Variants in PHACTR3 observed in about 807,000 individuals in gnomAD.
PHACTR3 encodes phosphatase and actin regulator 3, also known as protein phosphatase 1, regulatory subunit 123.
In PHACTR3, 16 loss-of-function variants were observed where a neutral mutation model predicts 66.8. That is an observed-to-expected ratio of 0.24 (90% confidence interval 0.16 to 0.36). The LOEUF is 0.36. PHACTR3 is among the 10% of genes least tolerant of loss of function. PHACTR3 has a pLI of 1.00. For missense variants in PHACTR3, 647 were observed against 719.9 expected (o/e 0.90, Z 1.16); for synonymous variants, 323 against 292.1 (o/e 1.11, Z -1.08).
At chr20:59,700,404 C>T (rs185330579) in intron 1 of PHACTR3, among the ~76,000 whole-genome samples, 1 of 152,304 alleles carries the variant, frequency 6.6e-6, no homozygotes, top group Non-Finnish European at 1.5e-5. Context: ...CTGATGACTG[C>T]AACTGCAAGA....
intron 7 of PHACTR3, among the ~76,000 whole-genome samples, chr20:59,784,693 C>T (rs1033180974): frequency 1.4e-4 from 21 of 152,174 alleles, no homozygotes; most frequent in Admixed American, 4.6e-4. Flanking sequence ...AAGTGTGAAG[C>T]CTCTGAGGGT....
chr20:59,653,491 A>G (rs888859502), intron 1 of PHACTR3, among the ~76,000 whole-genome samples: 1 of 152,168 alleles, frequency 6.6e-6, no homozygotes, highest in African/African-American at 2.4e-5. Context: ...GCTGTGAGAA[A>G]GTAATTTCTT....
intron 1 of PHACTR3, among the ~76,000 whole-genome samples, chr20:59,621,994 G>A (rs544688685): frequency 6.6e-6 from 1 of 152,280 alleles, no homozygotes; most frequent in East Asian, 1.9e-4. Context: ...CTTCACTACA[G>A]CTTTTTCTGC....
chr20:59,811,275 T>C (rs1404973291), intron 8 of PHACTR3, among the ~76,000 whole-genome samples: 1 of 152,208 alleles, frequency 6.6e-6, no homozygotes, highest in Non-Finnish European at 1.5e-5. Context: ...AATTTTCTTA[T>C]ATTGGTTTGG....
At position 59,717,754 on chromosome 20, in the gene PHACTR3, G is replaced by T. The variant is rs187904400; in HGVS notation, c.119-25353G>T. Among the ~76,000 whole-genome samples, 9 of 152,342 alleles carry T rather than the reference G, an allele frequency of 5.9e-5. No individual in the cohort carries two copies. In the East Asian group the frequency reaches 1.7e-3, roughly 29 times the overall value. The stretch of plus-strand genomic sequence containing the variant: ...AAAAATGACTTTGCTATATAAAGGT[G>T]TGGTTTTTTTGACTATTCCTCCAGA... On this transcript the variant is annotated intron_variant, in intron 1 of 12. Transcript: ENST00000371015.
intron 8 of PHACTR3, among the ~76,000 whole-genome samples, chr20:59,810,650 A>G (rs2041709161): frequency 3.3e-5 from 5 of 152,042 alleles, no homozygotes. Context: ...TTCATATTTT[A>G]TCTTCTGAGT....
intron 1 of PHACTR3, among the ~76,000 whole-genome samples, chr20:59,740,267 T>G (rs2039105175): frequency 6.6e-6 from 1 of 152,100 alleles, no homozygotes; most frequent in Non-Finnish European, 1.5e-5. Context: ...ATTAATAAAC[T>G]GTGTATTGTG....
At chr20:59,625,725 G>C (rs6070873) in intron 1 of PHACTR3, among the ~76,000 whole-genome samples, 2 of 152,272 alleles carry the variant, frequency 1.3e-5, no homozygotes, top group East Asian at 3.9e-4. Flanking sequence ...GAGGCATGCA[G>C]GCTTTTCCTC....
chr20:59,678,640 G>T (rs1040141960), intron 1 of PHACTR3, among the ~76,000 whole-genome samples: 1 of 152,184 alleles, frequency 6.6e-6, no homozygotes, highest in African/African-American at 2.4e-5. Flanking sequence ...AGCTTACCGT[G>T]TTTTGTAATC....
At chr20:59,658,885 G>A (rs955468792) in intron 1 of PHACTR3, among the ~76,000 whole-genome samples, 1 of 151,348 alleles carries the variant, frequency 6.6e-6, no homozygotes, top group Non-Finnish European at 1.5e-5. Flanking sequence ...AAACTATCTG[G>A]CCTACAATTT....
chr20:59,755,455 C>G, intron 4 of PHACTR3, 91 bp downstream of exon 4: 1 of 1,355,306 alleles, frequency 7.4e-7, no homozygotes, highest in Admixed American at 2.2e-5. Context: ...GGCAACAGCC[C>G]TCGTAGAACA....
chr20:59,683,485 C>A (rs1231644965), intron 1 of PHACTR3, among the ~76,000 whole-genome samples: 1 of 140,840 alleles, frequency 7.1e-6, no homozygotes, highest in East Asian at 2.1e-4. Context: ...TAAACCAGGT[C>A]TTTTTTTTTT....
At chr20:59,776,568 T>A (rs1300837877) in intron 7 of PHACTR3, among the ~76,000 whole-genome samples, 3 of 152,008 alleles carry the variant, frequency 2.0e-5, no homozygotes, top group African/African-American at 7.3e-5. Flanking sequence ...CCCAGAAGGG[T>A]CTCCCGGCTT....
intron 1 of PHACTR3, among the ~76,000 whole-genome samples, chr20:59,588,073 G>A (rs957853367): frequency 2.6e-5 from 4 of 152,174 alleles, no homozygotes; most frequent in Non-Finnish European, 5.9e-5. Flanking sequence ...ACCGGGGGTC[G>A]GGAGTCCTGA....
intron 3 of PHACTR3, among the ~76,000 whole-genome samples, chr20:59,754,594 G>T (rs117364902): frequency 0.022 from 3,372 of 152,314 alleles, 58 homozygotes; most frequent in Non-Finnish European, 0.035. Context: ...TGGGTGCAGA[G>T]GTGAGTTGGT....
At chr20:59,723,084 TTCTTTC>T (rs1364287392) in intron 1 of PHACTR3, among the ~76,000 whole-genome samples, 1 of 148,844 alleles carries the variant, frequency 6.7e-6, no homozygotes, top group Non-Finnish European at 1.5e-5. Context: ...CTTTCTTTCT[TTCTTTC>T]TTTCTTTCTT....
chr20:59,615,244 G>C (rs1162698765), intron 1 of PHACTR3, among the ~76,000 whole-genome samples: 1 of 152,160 alleles, frequency 6.6e-6, no homozygotes, highest in African/African-American at 2.4e-5. Flanking sequence ...GAAGACACAG[G>C]CATGCCAAAA....
intron 8 of PHACTR3, among the ~76,000 whole-genome samples, chr20:59,833,854 G>A (rs1382941286): frequency 6.6e-6 from 1 of 152,226 alleles, no homozygotes; most frequent in Non-Finnish European, 1.5e-5. Context: ...TAGAGAAGGG[G>A]CTGCTGGAAA....
At chr20:59,627,719 C>T (rs1412502423) in intron 1 of PHACTR3, among the ~76,000 whole-genome samples, 1 of 152,152 alleles carries the variant, frequency 6.6e-6, no homozygotes, top group African/African-American at 2.4e-5. Flanking sequence ...GCTTAGGAAG[C>T]GTCTGTGTAT....
Sources: allele counts gnomAD v4.1 joint callset (sites outside exome capture counted in the v4.1 genomes callset), GRCh38; gene constraint gnomAD v4.1.1; transcripts MANE v1.5; gene names NCBI Gene and HGNC (gene_info 2026-07-23, HGNC 2026-07-21).